Variants in EPHB1 observed in about 807,000 individuals in gnomAD.
EPHB1 encodes the protein EPH receptor B1, also known as ephrin type-B receptor 1.
In EPHB1, 30 loss-of-function variants were observed where a neutral mutation model predicts 94.4. The observed-to-expected ratio is 0.32, with a 90% confidence interval of 0.24 to 0.43. The LOEUF (loss-of-function observed/expected upper bound fraction) is 0.43. EPHB1 is among the 20% of genes least tolerant of loss of function. The probability of loss-of-function intolerance (pLI) is 1.00; values close to 1 mark genes in which losing one functional copy is unlikely to be tolerated. For missense variants in EPHB1, 1,055 were observed against 1,308.3 expected (o/e 0.81, Z 2.99); for synonymous variants, 522 against 489.1 (o/e 1.07, Z -0.89).
chr3:135,146,313 TA>T (rs1318775768), intron 5 of EPHB1, among the ~76,000 whole-genome samples: 3 of 152,288 alleles, frequency 2.0e-5, no homozygotes, highest in Admixed American at 2.0e-4. Flanking sequence ...GTAACAAAGG[TA>T]AAATTGAGTT....
intron 9 of EPHB1, among the ~76,000 whole-genome samples, chr3:135,175,956 G>C (rs1183644109): frequency 6.6e-6 from 1 of 152,182 alleles, no homozygotes; most frequent in East Asian, 1.9e-4. Flanking sequence ...TGGCAAGTGG[G>C]AGCAGGAACA....
At chr3:135,126,130 C>G (rs999797946) in intron 4 of EPHB1, among the ~76,000 whole-genome samples, 2 of 152,206 alleles carry the variant, frequency 1.3e-5, no homozygotes, top group African/African-American at 4.8e-5. Context: ...TGGTCACCCT[C>G]TCTACCACCT....
At chr3:134,896,069 C>T in intron 1 of EPHB1, among the ~76,000 whole-genome samples, 1 of 152,020 alleles carries the variant, frequency 6.6e-6, no homozygotes, top group East Asian at 1.9e-4. Context: ...GTGTAGCCTT[C>T]CTAGGATCAA....
chr3:135,025,221 A>G (rs1162323487), intron 3 of EPHB1, among the ~76,000 whole-genome samples: 1 of 98,616 alleles, frequency 1.0e-5, no homozygotes, highest in Non-Finnish European at 2.0e-5. Context: ...TTATTTATTT[A>G]TTATTATACT....
At chr3:134,921,128 C>A (rs1234352017) in intron 1 of EPHB1, among the ~76,000 whole-genome samples, 1 of 152,174 alleles carries the variant, frequency 6.6e-6, no homozygotes, top group Non-Finnish European at 1.5e-5. Flanking sequence ...TCCCTTCTAT[C>A]TGCCTTCTTA....
intron 3 of EPHB1, among the ~76,000 whole-genome samples, chr3:135,077,292 G>A (rs936632644): frequency 2.6e-5 from 4 of 152,128 alleles, no homozygotes; most frequent in Admixed American, 6.6e-5. Flanking sequence ...TGGCAGTCTT[G>A]GGCAGCATCA....
At chr3:135,194,194 A>G (rs968768249) in intron 11 of EPHB1, among the ~76,000 whole-genome samples, 1 of 152,244 alleles carries the variant, frequency 6.6e-6, no homozygotes, top group Non-Finnish European at 1.5e-5. Flanking sequence ...ATGAAGGGAC[A>G]TCAACTCAAT....
chr3:135,176,604 A>G (rs545213642), intron 9 of EPHB1, among the ~76,000 whole-genome samples: 2 of 152,318 alleles, frequency 1.3e-5, no homozygotes, highest in East Asian at 3.9e-4. Context: ...AAGTGCACCC[A>G]TCTTCACAGT....
At chr3:134,907,001 C>T (rs915795896) in intron 1 of EPHB1, among the ~76,000 whole-genome samples, 1 of 152,180 alleles carries the variant, frequency 6.6e-6, no homozygotes, top group African/African-American at 2.4e-5. Flanking sequence ...AATGGCTAGA[C>T]AAGTGCTATT....
intron 2 of EPHB1, among the ~76,000 whole-genome samples, chr3:134,929,923 G>A (rs2038872761): frequency 6.6e-6 from 1 of 152,202 alleles, no homozygotes. Flanking sequence ...GAGAGAGATG[G>A]ACTGTCAGCC....
At chr3:134,909,111 G>GC (rs1553864834) in intron 1 of EPHB1, among the ~76,000 whole-genome samples, 60 of 108,108 alleles carry the variant, frequency 5.6e-4, no homozygotes, top group African/African-American at 2.1e-3. Flanking sequence ...ACACAAGGTG[G>GC]GGGCGGGGGG....
intron 2 of EPHB1, among the ~76,000 whole-genome samples, chr3:134,926,571 A>T (rs1279355098): frequency 6.6e-6 from 1 of 152,202 alleles, no homozygotes; most frequent in Non-Finnish European, 1.5e-5. Flanking sequence ...GTTGAAAGGG[A>T]TGATGAGATT....
At chr3:135,125,638 C>G (rs1005987675) in intron 4 of EPHB1, among the ~76,000 whole-genome samples, 1 of 152,134 alleles carries the variant, frequency 6.6e-6, no homozygotes, top group African/African-American at 2.4e-5. Context: ...TTTCAAATAA[C>G]CATTTATCAA....
chr3:135,216,742 A>AT (rs1178093712), intron 12 of EPHB1, among the ~76,000 whole-genome samples: 15 of 151,344 alleles, frequency 9.9e-5, no homozygotes, highest in Admixed American at 9.9e-4. Flanking sequence ...AAAAAAAAAA[A>AT]AAAAAATCAC....
At chr3:134,802,831 T>C (rs2035960451) in intron 1 of EPHB1, among the ~76,000 whole-genome samples, 1 of 152,238 alleles carries the variant, frequency 6.6e-6, no homozygotes, top group African/African-American at 2.4e-5. Flanking sequence ...ATTCATCTGC[T>C]CACTCACTCT....
chr3:135,005,814 G>A (rs189431828), intron 3 of EPHB1, among the ~76,000 whole-genome samples: 16 of 152,322 alleles, frequency 1.1e-4, no homozygotes, highest in South Asian at 4.1e-4. Flanking sequence ...GCCCTGCTTC[G>A]GCTCGCGCAC....
intron 3 of EPHB1, among the ~76,000 whole-genome samples, chr3:134,977,078 C>T (rs947990022): frequency 1.3e-5 from 2 of 152,226 alleles, no homozygotes; most frequent in African/African-American, 4.8e-5. Flanking sequence ...GCTTCTCCAT[C>T]TGCATTTTCA....
At chr3:134,996,827 T>G (rs1462851386) in intron 3 of EPHB1, among the ~76,000 whole-genome samples, 1 of 152,140 alleles carries the variant, frequency 6.6e-6, no homozygotes, top group Non-Finnish European at 1.5e-5. Flanking sequence ...TACCCATTTT[T>G]CTATTTAGTT....
intron 3 of EPHB1, among the ~76,000 whole-genome samples, chr3:134,976,280 A>G (rs1934190338): frequency 6.6e-6 from 1 of 152,224 alleles, no homozygotes; most frequent in Non-Finnish European, 1.5e-5. Context: ...GGAGGCGCCA[A>G]GGACAGGATG....
Sources: allele counts gnomAD v4.1 joint callset (sites outside exome capture counted in the v4.1 genomes callset), GRCh38; gene constraint gnomAD v4.1.1; transcripts MANE v1.5; gene names NCBI Gene and HGNC (gene_info 2026-07-23, HGNC 2026-07-21).